CRACD: variants seen among roughly 807,000 people sequenced by gnomAD.
CRACD encodes capping protein inhibiting regulator of actin dynamics.
A neutral mutation model predicts 106.8 loss-of-function variants in CRACD; 56 were observed. The ratio of observed to expected loss-of-function variants is 0.52; its 90% CI spans 0.42 to 0.66. The LOEUF is 0.66. Among genes scored for constraint, CRACD ranks in the 30% least tolerant of loss-of-function variants. The pLI is 0.00. For synonymous variants in CRACD, 754 were observed against 670.8 expected (o/e 1.12, Z -1.92); for missense variants, 1,730 against 1,623.2 (o/e 1.07, Z -1.13).
intron 2 of CRACD, among the ~76,000 whole-genome samples, chr4:56,269,137 C>T (rs1742199394): frequency 6.6e-6 from 1 of 152,094 alleles, no homozygotes; most frequent in African/African-American, 2.4e-5. Context: ...AATCCCAGCA[C>T]TTTGGGAGGC....
intron 7 of CRACD, 134 bp downstream of exon 7, chr4:56,313,513 C>T (rs1240688177): frequency 1.5e-5 from 11 of 753,066 alleles, no homozygotes; most frequent in Non-Finnish European, 2.1e-5. Flanking sequence ...GAGTGTGTGG[C>T]GGTGTTGGGG....
At chr4:56,241,358 G>T (rs1284094268) in intron 2 of CRACD, among the ~76,000 whole-genome samples, 1 of 152,004 alleles carries the variant, frequency 6.6e-6, no homozygotes, top group African/African-American at 2.4e-5. Context: ...CTGAAATTCT[G>T]TTTCATTGAG....
intron 2 of CRACD, among the ~76,000 whole-genome samples, chr4:56,195,476 A>T (rs998798421): frequency 6.6e-6 from 1 of 152,214 alleles, no homozygotes; most frequent in Non-Finnish European, 1.5e-5. Context: ...AAGACAATTT[A>T]GGTGATTACT....
chr4:56,136,886 C>T (rs1039072684), intron 1 of CRACD, among the ~76,000 whole-genome samples: 29 of 152,150 alleles, frequency 1.9e-4, no homozygotes, highest in Non-Finnish European at 3.4e-4. Flanking sequence ...AGTTTGAGTT[C>T]TTTCATTTAG....
At chr4:56,287,628 T>A (rs1484109514) in intron 3 of CRACD, among the ~76,000 whole-genome samples, 3 of 152,138 alleles carry the variant, frequency 2.0e-5, no homozygotes, top group Non-Finnish European at 2.9e-5. Context: ...GCTCTTGCTA[T>A]GGTTCCCAGG....
chr4:56,152,989 C>T (rs756096398), intron 1 of CRACD, among the ~76,000 whole-genome samples: 1 of 152,096 alleles, frequency 6.6e-6, no homozygotes, highest in Non-Finnish European at 1.5e-5. Flanking sequence ...GTTCAAAATA[C>T]AATTCCTGGC....
chr4:56,113,716 T>C (rs10004059), intron 1 of CRACD, among the ~76,000 whole-genome samples: 23,292 of 152,128 alleles, frequency 0.15, 1,911 homozygotes, highest in East Asian at 0.32. Context: ...CCCACCAGAC[T>C]GTCAAACCTC....
chr4:56,183,924 T>C (rs1262176730), intron 2 of CRACD, among the ~76,000 whole-genome samples: 1 of 152,192 alleles, frequency 6.6e-6, no homozygotes. Flanking sequence ...TTTTAACCTC[T>C]GTTCTAAATG....
chr4:56,273,329 C>G (rs1349670678), intron 3 of CRACD, among the ~76,000 whole-genome samples: 1 of 151,368 alleles, frequency 6.6e-6, no homozygotes, highest in East Asian at 1.9e-4. Flanking sequence ...TCCTTCCTTC[C>G]TTCCTCCCTC....
At chr4:56,282,423 T>C (rs984838568) in intron 3 of CRACD, among the ~76,000 whole-genome samples, 3 of 152,204 alleles carry the variant, frequency 2.0e-5, no homozygotes, top group African/African-American at 7.2e-5. Flanking sequence ...AGTTGGATGA[T>C]GTCAGCAGGT....
chr4:56,105,915 G>A (rs947047164), intron 1 of CRACD, among the ~76,000 whole-genome samples: 2 of 150,960 alleles, frequency 1.3e-5, no homozygotes, highest in African/African-American at 4.9e-5. Context: ...CTTTGGCAAA[G>A]TTGAGAAATA....
At chr4:56,058,119 G>C (rs997988813) in intron 1 of CRACD, among the ~76,000 whole-genome samples, 2 of 151,680 alleles carry the variant, frequency 1.3e-5, no homozygotes, top group Non-Finnish European at 2.9e-5. Context: ...ACCGTGCCAG[G>C]GGTGCAGTGG....
intron 2 of CRACD, among the ~76,000 whole-genome samples, chr4:56,249,806 G>T (rs936956138): frequency 6.6e-6 from 1 of 152,176 alleles, no homozygotes; most frequent in Non-Finnish European, 1.5e-5. Flanking sequence ...AAAATTCCTT[G>T]TCTCATGGTT....
chr4:56,119,139 A>G (rs1734396915), intron 1 of CRACD, among the ~76,000 whole-genome samples: 1 of 152,144 alleles, frequency 6.6e-6, no homozygotes, highest in Admixed American at 6.5e-5. Context: ...TATATGCATC[A>G]TCTCATATAA....
chr4:56,156,425 G>A (rs1377353443), intron 1 of CRACD, among the ~76,000 whole-genome samples: 4 of 152,166 alleles, frequency 2.6e-5, no homozygotes, highest in South Asian at 2.1e-4. Context: ...CCCGCCAACC[G>A]TGTGACCAGG....
chr4:56,256,115 G>T (rs541326350), intron 2 of CRACD, among the ~76,000 whole-genome samples: 21 of 152,158 alleles, frequency 1.4e-4, no homozygotes, highest in Non-Finnish European at 2.6e-4. Context: ...ATATGGTTTG[G>T]CTATGTCCCT....
chr4:56,195,671 C>T (rs928214017), intron 2 of CRACD, among the ~76,000 whole-genome samples: 2 of 152,046 alleles, frequency 1.3e-5, no homozygotes, highest in African/African-American at 2.4e-5. Context: ...TGCCTTTGGT[C>T]GTGAATCCAG....
intron 1 of CRACD, among the ~76,000 whole-genome samples, chr4:56,178,943 T>C (rs1736698472): frequency 6.6e-6 from 1 of 152,244 alleles, no homozygotes; most frequent in Admixed American, 6.5e-5. Context: ...TAAATTGGAT[T>C]TGTGTCTTCT....
At chr4:56,158,901 A>C (rs973121760) in intron 1 of CRACD, among the ~76,000 whole-genome samples, 2 of 152,220 alleles carry the variant, frequency 1.3e-5, no homozygotes, top group African/African-American at 4.8e-5. Context: ...TTCTCCCCTG[A>C]GCCTTTGAAT....
Sources: gnomAD v4.1 joint callset for allele counts (sites outside exome capture counted in the v4.1 genomes callset) on GRCh38, gnomAD v4.1.1 for gene constraint, MANE v1.5 for transcripts, NCBI Gene and HGNC (gene_info 2026-07-23, HGNC 2026-07-21) for gene names.